The following USP9Y variants were observed in gnomAD, a reference collection of about 807,000 sequenced individuals.
USP9Y encodes ubiquitin specific peptidase 9 Y-linked.
A neutral mutation model predicts 53.1 loss-of-function variants in USP9Y; 41 were observed. The observed-to-expected ratio is 0.77, with a 90% confidence interval of 0.60 to 1.00. USP9Y has a LOEUF of 1.00. Ranked by LOEUF, USP9Y falls within the 50% of genes least tolerant of loss-of-function variation. The pLI, the probability that USP9Y is intolerant of heterozygous loss-of-function variation, is 0.00. For missense variants in USP9Y, 567 were observed against 535.8 expected (o/e 1.06, Z -0.58); for synonymous variants, 220 against 173.7 (o/e 1.27, Z -2.09).
chrY:12,733,334 C>CT (rs2053448871), intron 7 of USP9Y, among the ~76,000 whole-genome samples: 34 of 23,457 alleles, frequency 1.4e-3, no homozygotes, highest in African/African-American at 3.6e-3. Flanking sequence ...GCTGTGTCAT[C>CT]TTTTTTTTTT....
chrY:12,725,158 G>T lies in USP9Y; in HGVS notation c.371G>T (p.Gly124Val), dbSNP rs370945889. Reference protein sequence around the residue: ...SEACQRFFRDGLTISFTKILM... With the variant: ...SEACQRFFRDVLTISFTKILM... ...GCATGCCAACGTTTTTTTCGAGATGGACTAACAATATCTTTCACTAAAATT... is the reference window on the plus strand; with the variant it reads ...GCATGCCAACGTTTTTTTCGAGATGTACTAACAATATCTTTCACTAAAATT... Residue 124 changes from glycine (G) to valine (V), a missense_variant, in exon 6 of 46, where the codon GGA becomes GTA. Gly to Val is a moderately radical substitution (Grantham distance 109). Coordinates refer to ENST00000338981, the MANE Select transcript of USP9Y (RefSeq NM_004654.4). 3 of 395,581 alleles carry T rather than the reference G, an allele frequency of 7.6e-6. No individual in the cohort carries two copies. The highest frequency in any genetic ancestry group is 1.1e-5 in the Non-Finnish European group (3 of 282,551).
At chrY:12,737,993 A>C in intron 10 of USP9Y, among the ~76,000 whole-genome samples, 164 bp from the exon 11 acceptor site, 1 of 34,025 alleles carries the variant, frequency 2.9e-5, no homozygotes, top group Non-Finnish European at 7.3e-5. Flanking sequence ...AATTAACACA[A>C]CACTTAAATG....
At position 12,793,131 on chromosome Y, in the gene USP9Y, T is replaced by C; in HGVS notation, c.3913T>C (p.Leu1305=). ...ATGTTTTGCTTTACTTCCAACAGCG[T>C]TGGATGCACTTAGTAAAGAAAAAGC... The part of the protein sequence containing the change: ...TLCFALLPTA[L]DALSKEKAWQ... The change falls in exon 27 of 46, where the codon TTG becomes CTG. Residue 1305 remains leucine (L), a synonymous_variant. Transcript: ENST00000338981. The C allele has an allele frequency of 5.0e-6, 2 of 398,457 alleles. No homozygotes were observed. The highest frequency in any genetic ancestry group is 9.2e-5 in the East Asian group (1 of 10,843).
intron 34 of USP9Y, among the ~76,000 whole-genome samples, chrY:12,835,860 G>A: frequency 3.0e-5 from 1 of 33,224 alleles, no homozygotes; most frequent in Non-Finnish European, 7.4e-5. Flanking sequence ...GATGGTTGAC[G>A]TGCCTGCCCC....
At position 12,722,176 on chromosome Y, in the gene USP9Y, T is replaced by A; in HGVS notation, c.314T>A (p.Leu105His). 2.5e-6 allele frequency: 1 copy of A among 394,746 alleles called. No individual in the cohort carries two copies. Among genetic ancestry groups the A allele is most frequent in the Non-Finnish European group, 3.6e-6 (1 of 280,085 alleles). Residue 105 changes from leucine to histidine, a missense_variant, in exon 5 of 46, where the codon CTT (leucine) becomes CAT (histidine). By Grantham distance (99) the Leu-to-His change is moderately conservative. Coordinates refer to ENST00000338981, the MANE Select transcript of USP9Y (RefSeq NM_004654.4). Reference sequence around the variant, plus strand: ...GTGCTTTTAGAAGCTGCTATTGATCTTAGTGTAAAAGGTGAGTGTGGATGT... The same window carrying A: ...GTGCTTTTAGAAGCTGCTATTGATCATAGTGTAAAAGGTGAGTGTGGATGT... ...LEVLLEAAIDLSVKGLDVKSE... is the reference protein window; with the variant it reads ...LEVLLEAAIDHSVKGLDVKSE...
chrY:12,761,338 G>A, intron 15 of USP9Y, among the ~76,000 whole-genome samples: 1 of 33,772 alleles, frequency 3.0e-5, no homozygotes, highest in African/African-American at 1.2e-4. Context: ...GTTATCCATT[G>A]TTTAAAGAGC....
At chrY:12,790,973 A>G (rs574574114) in intron 25 of USP9Y, among the ~76,000 whole-genome samples, 1 of 33,415 alleles carries the variant, frequency 3.0e-5, no homozygotes, top group Admixed American at 2.7e-4. Context: ...ATGTTGTTAT[A>G]TATGTGTGTA....
intron 15 of USP9Y, among the ~76,000 whole-genome samples, chrY:12,766,366 C>G (rs2053479907): frequency 3.0e-5 from 1 of 33,648 alleles, no homozygotes; most frequent in Non-Finnish European, 7.3e-5. Context: ...TGGAGGCAAG[C>G]AGACCACATT....
intron 27 of USP9Y, among the ~76,000 whole-genome samples, chrY:12,795,368 A>C: frequency 3.0e-5 from 1 of 33,410 alleles, no homozygotes; most frequent in African/African-American, 1.2e-4. Flanking sequence ...GACCAAATTT[A>C]TCTCTTCCCT....
At chrY:12,813,508 G>A (rs761151018) in intron 31 of USP9Y, among the ~76,000 whole-genome samples, 7 of 33,225 alleles carry the variant, frequency 2.1e-4, no homozygotes, top group African/African-American at 4.7e-4. Context: ...AGTTCTAAAT[G>A]CCTACATCAG....
At chrY:12,848,442 C>A (rs2148292881) in intron 42 of USP9Y, among the ~76,000 whole-genome samples, 1 of 33,215 alleles carries the variant, frequency 3.0e-5, no homozygotes, top group East Asian at 7.9e-4. Context: ...ATGGTAGTTT[C>A]TTTTGCCATG....
At chrY:12,797,531 C>A (rs2053514867) in intron 27 of USP9Y, among the ~76,000 whole-genome samples, 1 of 33,713 alleles carries the variant, frequency 3.0e-5, no homozygotes, top group Non-Finnish European at 7.4e-5. Context: ...GACCAAGGTT[C>A]TTGTGAAGTC....
intron 31 of USP9Y, among the ~76,000 whole-genome samples, chrY:12,815,514 C>T: frequency 2.9e-5 from 1 of 33,911 alleles, no homozygotes; most frequent in Non-Finnish European, 7.3e-5. Context: ...TCGTGAGCCA[C>T]CATGCCCGGC....
intron 45 of USP9Y, among the ~76,000 whole-genome samples, chrY:12,857,906 G>A: frequency 6.0e-5 from 2 of 33,495 alleles, no homozygotes; most frequent in Admixed American, 5.5e-4. Flanking sequence ...TTGAAATGAC[G>A]TCATGTTTTA....
intron 15 of USP9Y, among the ~76,000 whole-genome samples, chrY:12,765,744 G>T (rs545762116): frequency 1.5e-4 from 5 of 33,490 alleles, no homozygotes; most frequent in African/African-American, 5.8e-4. Context: ...TGCCAAAAAG[G>T]TTGGGGACTG....
chrY:12,819,351 T>C (rs2053539080), intron 33 of USP9Y, among the ~76,000 whole-genome samples: 1 of 33,431 alleles, frequency 3.0e-5, no homozygotes, highest in Non-Finnish European at 7.4e-5. Flanking sequence ...TAATAAAAAT[T>C]ACTTTATAAT....
At chrY:12,790,610 T>A in intron 25 of USP9Y, 78 bp downstream of exon 25, 10 of 303,918 alleles carry the variant, frequency 3.3e-5, no homozygotes, top group Non-Finnish European at 5.0e-5. Flanking sequence ...CTATGAGAAT[T>A]TGAGGCTAAA....
At chrY:12,740,501 A>G (rs2053456503) in intron 12 of USP9Y, among the ~76,000 whole-genome samples, 1 of 33,540 alleles carries the variant, frequency 3.0e-5, no homozygotes, top group Non-Finnish European at 7.4e-5. Context: ...ATTATGGAGA[A>G]TATAGAAAAA....
At chrY:12,836,244 C>G (rs929231084) in intron 34 of USP9Y, among the ~76,000 whole-genome samples, 13 of 33,508 alleles carry the variant, frequency 3.9e-4, no homozygotes, top group African/African-American at 1.5e-3. Context: ...TTGAGGGACA[C>G]TTAAAAATAA....
Sources: allele counts gnomAD v4.1 joint callset (sites outside exome capture counted in the v4.1 genomes callset), GRCh38; gene constraint gnomAD v4.1.1; transcripts MANE v1.5; gene names NCBI Gene and HGNC (gene_info 2026-07-23, HGNC 2026-07-21).